Variants in CPT2 observed in about 807,000 individuals in gnomAD.
The protein encoded by CPT2 is carnitine palmitoyltransferase 2.
In CPT2, 37 loss-of-function variants were observed where a neutral mutation model predicts 48.6. That is an observed-to-expected ratio of 0.76 (90% CI 0.59 to 1.00). CPT2 has a LOEUF of 1.00. Ranked by LOEUF, CPT2 falls within the 50% of genes least tolerant of loss-of-function variation. CPT2 has a pLI of 0.00. For synonymous variants in CPT2, 319 were observed against 326.9 expected, an observed-to-expected ratio of 0.98 and a Z score of 0.26; for missense variants, 772 against 825.6, an observed-to-expected ratio of 0.94 and a Z score of 0.80.
Position 53,202,385 on chromosome 1 carries a change from T to C in CPT2, c.296T>C (p.Leu99Pro). ...NGIGKELHEQ[L>P]VALDKQNKHT... is the part of the protein sequence containing the mutation. ...ATTGGAAAAGAACTGCATGAGCAGC[T>C]GGTTGCTCTGGACAAACAGAATAAA... Residue 99 changes from leucine (L) to proline (P), a missense_variant, in exon 3 of 5, where the codon CTG (leucine) becomes CCG (proline). By Grantham distance (98) the Leu-to-Pro change is moderately conservative. Coordinates refer to ENST00000371486, the MANE Select transcript of CPT2 (RefSeq NM_000098.3). 1 of 1,614,170 alleles carries C rather than the reference T, an allele frequency of 6.2e-7. No homozygotes were observed. Among genetic ancestry groups the C allele is most frequent in the East Asian group, 2.2e-5 (1 of 44,874 alleles).
At chr1:53,204,317 GACTT>G (rs1340632351) in intron 3 of CPT2, 2 of 151,674 alleles carry the variant, frequency 1.3e-5, no homozygotes, top group Admixed American at 6.6e-5. Flanking sequence ...TTTCTTGGGA[GACTT>G]ACTTAATTTT....
chr1:53,212,264 T>C (rs531299947), intron 4 of CPT2, among the ~76,000 whole-genome samples: 212 of 151,980 alleles, frequency 1.4e-3, no homozygotes, highest in African/African-American at 5.1e-3. Context: ...GGGGTTTCAC[T>C]ATGTTGGCCA....
In CPT2 at chr1:53,202,245, T is replaced by A. The variant is rs542199872; in HGVS notation, c.234-78T>A. On this transcript the variant is annotated intron_variant, in intron 2 of 4. Transcript: ENST00000371486. ...TGCTGTTGGGGACCCAAAACTCTATTATGAGTTCCTCGCCATGAACCTAAA... is the reference window on the plus strand; with the variant it reads ...TGCTGTTGGGGACCCAAAACTCTATAATGAGTTCCTCGCCATGAACCTAAA... 72 of 1,160,154 alleles carry A rather than the reference T, an allele frequency of 6.2e-5. No homozygotes were observed. The Middle Eastern group carries it at 1.6e-3, about 26-fold the overall frequency. The allele number at this position is 1,160,154 out of a possible 1,614,324, so 71.9% of individuals were successfully genotyped here.
intron 4 of CPT2, among the ~76,000 whole-genome samples, chr1:53,212,002 C>A (rs951157485): frequency 2.6e-5 from 4 of 152,072 alleles, no homozygotes; most frequent in African/African-American, 9.7e-5. Flanking sequence ...AAACAATCCT[C>A]CTGCCTCAGC....
At chr1:53,208,721 C>T (rs1645402627) in intron 3 of CPT2, 1 of 152,222 alleles carries the variant, frequency 6.6e-6, no homozygotes, top group Admixed American at 6.5e-5. Flanking sequence ...TCTGTTCCAG[C>T]ATGAATGCAA....
At chr1:53,206,506 A>C (rs996876292) in intron 3 of CPT2, among the ~76,000 whole-genome samples, 2 of 152,216 alleles carry the variant, frequency 1.3e-5, no homozygotes, top group African/African-American at 4.8e-5. Flanking sequence ...TACTCTGCAG[A>C]GCCACAGGGG....
intron 1 of CPT2, chr1:53,200,247 C>T (rs1452915889): frequency 5.8e-6 from 1 of 171,750 alleles, no homozygotes; most frequent in Non-Finnish European, 1.2e-5. Flanking sequence ...ATGGCTGGCC[C>T]TTGGACAGAT....
In CPT2 at chr1:53,202,309, C is replaced by G; in HGVS notation, c.234-14C>G. 6.2e-7 allele frequency: 1 copy of G among 1,601,050 alleles called. No homozygotes were observed. On this transcript the variant is annotated splice_polypyrimidine_tract_variant and intron_variant, in intron 2 of 4. Transcript: ENST00000371486. The stretch of plus-strand genomic sequence containing the variant: ...CTACCATGGTTTGATTTTGTCTTTT[C>G]TTGAATGTTTTAGGAAAACAGAACA...
At chr1:53,202,207 G>A in intron 2 of CPT2, 116 bp from the exon 3 acceptor site, 2 of 757,796 alleles carry the variant, frequency 2.6e-6, no homozygotes, top group Admixed American at 4.0e-5. Flanking sequence ...TCTCATTCCA[G>A]GTTTTAGGGC....
chr1:53,196,915 C>A lies in CPT2; in HGVS notation c.-29C>A. 1 of 1,538,150 alleles carries A rather than the reference C, an allele frequency of 6.5e-7. No individual in the cohort carries two copies. The highest frequency in any genetic ancestry group is 8.7e-7 in the Non-Finnish European group (1 of 1,150,516). On this transcript the variant is annotated 5_prime_UTR_variant, in exon 1 of 5. Transcript: ENST00000371486. ...AGACTCCAGAACTCCCCACTTGCCG[C>A]GTTCTCGCCGCCGCAGGCTCCCGGG...
At chr1:53,198,012 C>T (rs1419492914) in intron 1 of CPT2, among the ~76,000 whole-genome samples, 1 of 152,198 alleles carries the variant, frequency 6.6e-6, no homozygotes, top group Non-Finnish European at 1.5e-5. Context: ...CTTCCCTCCC[C>T]CAGTACTTTC....
chr1:53,199,153 C>T (rs560036431), intron 1 of CPT2, among the ~76,000 whole-genome samples: 20 of 152,200 alleles, frequency 1.3e-4, no homozygotes, highest in African/African-American at 4.6e-4. Flanking sequence ...TTCTGCCTCC[C>T]GGGTTCAAAG....
intron 3 of CPT2, among the ~76,000 whole-genome samples, chr1:53,206,182 C>CA (rs951448638): frequency 0.041 from 2,366 of 58,360 alleles, 27 homozygotes; most frequent in East Asian, 0.093. Context: ...GACTCCATTT[C>CA]AAAAAAAAAA....
chr1:53,197,127 C>A, intron 1 of CPT2, 32 bp downstream of exon 1: 2 of 1,536,386 alleles, frequency 1.3e-6, no homozygotes, highest in Middle Eastern at 3.3e-4. Context: ...CCGCCGCCCG[C>A]CGCCGTCCCA....
intron 2 of CPT2, 175 bp downstream of exon 2, chr1:53,200,974 C>A: frequency 1.5e-6 from 1 of 674,716 alleles, no homozygotes; most frequent in Non-Finnish European, 2.7e-6. Context: ...AAGGACTGAC[C>A]AAGCCCCGAG....
chr1:53,207,773 A>G (rs756552114), intron 3 of CPT2: 2 of 152,104 alleles, frequency 1.3e-5, no homozygotes, highest in Non-Finnish European at 2.9e-5. Context: ...CAGTTTTATT[A>G]TCTCCAGAGA....
intron 1 of CPT2, 91 bp downstream of exon 1, chr1:53,197,186 C>T: frequency 6.8e-7 from 1 of 1,462,106 alleles, no homozygotes; most frequent in South Asian, 1.2e-5. Context: ...TCTAGTGAAC[C>T]CGTTTCCGCC....
intron 2 of CPT2, chr1:53,201,019 A>G (rs548663570): frequency 1.9e-5 from 11 of 582,716 alleles, no homozygotes; most frequent in Non-Finnish European, 3.4e-5. Flanking sequence ...GAGATAGTTT[A>G]TAAGCCAGAA....
intron 2 of CPT2, chr1:53,201,681 C>CT (rs1424987661): frequency 6.4e-6 from 1 of 156,100 alleles, no homozygotes; most frequent in African/African-American, 2.4e-5. Flanking sequence ...GTGTAGTACT[C>CT]TTTTTCCATA....
Sources: gnomAD v4.1 joint callset for allele counts (sites outside exome capture counted in the v4.1 genomes callset) on GRCh38, gnomAD v4.1.1 for gene constraint, MANE v1.5 for transcripts, NCBI Gene and HGNC (gene_info 2026-07-23, HGNC 2026-07-21) for gene names.